The following GALNTL6 variants were observed in gnomAD, a reference collection of about 807,000 sequenced individuals.
GALNTL6 encodes the protein polypeptide N-acetylgalactosaminyltransferase like 6, also known as polypeptide N-acetylgalactosaminyltransferase-like 6.
In GALNTL6, 46 loss-of-function variants were observed where a neutral mutation model predicts 73.7. The ratio of observed to expected loss-of-function variants is 0.62; its 90% CI spans 0.49 to 0.80. The LOEUF (loss-of-function observed/expected upper bound fraction) is 0.80. Among genes scored for constraint, GALNTL6 ranks in the 30% least tolerant of loss-of-function variants. The probability of loss-of-function intolerance (pLI) is 0.00; values close to 1 mark genes in which losing one functional copy is unlikely to be tolerated. For synonymous variants in GALNTL6, 259 were observed against 263.7 expected, an observed-to-expected ratio of 0.98 and a Z score of 0.17; for missense variants, 604 against 755.0, an observed-to-expected ratio of 0.80 and a Z score of 2.34.
intron 5 of GALNTL6, among the ~76,000 whole-genome samples, chr4:172,351,334 T>C (rs1741937858): frequency 6.6e-6 from 1 of 152,134 alleles, no homozygotes; most frequent in Admixed American, 6.6e-5. Context: ...TAGGACTGCC[T>C]TAACATTTAA....
chr4:172,439,959 C>T (rs893662705), intron 5 of GALNTL6, among the ~76,000 whole-genome samples: 1 of 152,108 alleles, frequency 6.6e-6, no homozygotes, highest in South Asian at 2.1e-4. Context: ...CATTAGGGCT[C>T]ACTCTTGGTG....
chr4:172,639,679 C>T (rs1739872377), intron 5 of GALNTL6, among the ~76,000 whole-genome samples: 1 of 152,074 alleles, frequency 6.6e-6, no homozygotes, highest in East Asian at 1.9e-4. Context: ...TTTCCCCTCT[C>T]AGCTGATGTC....
At chr4:172,605,603 A>C (rs188953082) in intron 5 of GALNTL6, among the ~76,000 whole-genome samples, 27 of 152,286 alleles carry the variant, frequency 1.8e-4, no homozygotes, top group African/African-American at 6.5e-4. Context: ...AGGACATTCC[A>C]GGCAGAGGAA....
intron 10 of GALNTL6, among the ~76,000 whole-genome samples, chr4:172,977,776 T>C (rs1750886398): frequency 6.6e-6 from 1 of 152,184 alleles, no homozygotes; most frequent in African/African-American, 2.4e-5. Context: ...ACATGTGCAG[T>C]AGCTGTACAT....
At chr4:172,134,906 T>A (rs891598228) in intron 2 of GALNTL6, among the ~76,000 whole-genome samples, 4 of 152,200 alleles carry the variant, frequency 2.6e-5, no homozygotes, top group Non-Finnish European at 5.9e-5. Context: ...ACAAATGGCA[T>A]GTTGGTAGAT....
chr4:172,646,727 A>C (rs952754775), intron 5 of GALNTL6, among the ~76,000 whole-genome samples: 1 of 152,184 alleles, frequency 6.6e-6, no homozygotes, highest in South Asian at 2.1e-4. Context: ...CTTTTGGAAT[A>C]GAAAGAAATT....
intron 2 of GALNTL6, among the ~76,000 whole-genome samples, chr4:172,098,594 G>C (rs1491621): frequency 0.096 from 14,555 of 152,158 alleles, 833 homozygotes; most frequent in Admixed American, 0.2. Flanking sequence ...GGAGAATGGC[G>C]TGGTTGTATT....
chr4:171,881,800 C>T (rs1476342829), intron 2 of GALNTL6, among the ~76,000 whole-genome samples: 1 of 152,140 alleles, frequency 6.6e-6, no homozygotes, highest in Non-Finnish European at 1.5e-5. Flanking sequence ...AGGCAAAAAA[C>T]CTTCATGGTT....
At chr4:172,572,142 C>T (rs528086564) in intron 5 of GALNTL6, among the ~76,000 whole-genome samples, 1 of 152,302 alleles carries the variant, frequency 6.6e-6, no homozygotes, top group South Asian at 2.1e-4. Context: ...TCTGCACACT[C>T]ATCTCACTGC....
At chr4:171,874,602 G>A (rs1035365689) in intron 2 of GALNTL6, among the ~76,000 whole-genome samples, 1 of 152,136 alleles carries the variant, frequency 6.6e-6, no homozygotes, top group Non-Finnish European at 1.5e-5. Flanking sequence ...CTGGGAGATG[G>A]GGTCCCGTAA....
intron 2 of GALNTL6, among the ~76,000 whole-genome samples, chr4:172,119,957 A>C (rs183216199): frequency 1.2e-4 from 18 of 152,308 alleles, no homozygotes; most frequent in Non-Finnish European, 1.2e-4. Context: ...AAAAGAGCTC[A>C]AGAGTTTCTT....
intron 5 of GALNTL6, among the ~76,000 whole-genome samples, chr4:172,432,784 A>T (rs1039144132): frequency 2.0e-5 from 3 of 152,144 alleles, no homozygotes; most frequent in Non-Finnish European, 4.4e-5. Flanking sequence ...CTTAAAAAAA[A>T]ATCTGAACAT....
intron 2 of GALNTL6, among the ~76,000 whole-genome samples, chr4:172,158,099 A>C (rs1334860821): frequency 6.6e-6 from 1 of 152,232 alleles, no homozygotes; most frequent in Non-Finnish European, 1.5e-5. Context: ...GCTGTTGGCC[A>C]GATTTGATTC....
At chr4:172,478,794 A>T (rs559427370) in intron 5 of GALNTL6, among the ~76,000 whole-genome samples, 1 of 152,322 alleles carries the variant, frequency 6.6e-6, no homozygotes, top group East Asian at 1.9e-4. Flanking sequence ...TAAGGAACTC[A>T]AACAAATCAG....
chr4:171,996,925 A>G (rs1740513033), intron 2 of GALNTL6, among the ~76,000 whole-genome samples: 1 of 152,116 alleles, frequency 6.6e-6, no homozygotes, highest in Non-Finnish European at 1.5e-5. Context: ...ATAGAACTAG[A>G]TCTGAATTTT....
chr4:172,322,566 A>G (rs1199989477), intron 4 of GALNTL6, among the ~76,000 whole-genome samples: 1 of 152,150 alleles, frequency 6.6e-6, no homozygotes, highest in Non-Finnish European at 1.5e-5. Flanking sequence ...TGGCTGGGGA[A>G]GCCTCAGGAA....
chr4:172,311,823 T>C, intron 4 of GALNTL6, 71 bp downstream of exon 4: 2 of 1,031,564 alleles, frequency 1.9e-6, no homozygotes, highest in Non-Finnish European at 2.7e-6. Context: ...TTTTTTTAAA[T>C]GTGTATCACT....
At chr4:172,567,220 T>A (rs1024266156) in intron 5 of GALNTL6, among the ~76,000 whole-genome samples, 2 of 151,972 alleles carry the variant, frequency 1.3e-5, no homozygotes, top group Admixed American at 1.3e-4. Context: ...TTCTATATAG[T>A]CTGGCTTACT....
intron 5 of GALNTL6, among the ~76,000 whole-genome samples, chr4:172,374,305 C>G (rs774872721): frequency 6.6e-6 from 1 of 152,252 alleles, no homozygotes; most frequent in Non-Finnish European, 1.5e-5. Context: ...GGGCCTGTTC[C>G]TCTTGGTTCC....
Sources: allele counts gnomAD v4.1 joint callset (sites outside exome capture counted in the v4.1 genomes callset), GRCh38; gene constraint gnomAD v4.1.1; transcripts MANE v1.5; gene names NCBI Gene and HGNC (gene_info 2026-07-23, HGNC 2026-07-21).